PKHD1: variants seen among roughly 807,000 people sequenced by gnomAD.
PKHD1 encodes the protein fibrocystin.
PKHD1 carries 291 observed loss-of-function variants against 412.0 expected under a neutral mutation model. The ratio of observed to expected loss-of-function variants is 0.71; its 90% confidence interval spans 0.64 to 0.78. The LOEUF is 0.78. Among genes scored for constraint, PKHD1 ranks in the 30% least tolerant of loss-of-function variants. The pLI is 0.00. For synonymous variants in PKHD1, 1,777 were observed against 1,821.5 expected, an observed-to-expected ratio of 0.98 and a Z score of 0.62; for missense variants, 4,825 against 4,950.7, an observed-to-expected ratio of 0.97 and a Z score of 0.76.
chr6:51,794,139 C>T (rs1459737853), intron 52 of PKHD1, among the ~76,000 whole-genome samples: 2 of 150,786 alleles, frequency 1.3e-5, no homozygotes, highest in Non-Finnish European at 2.9e-5. Context: ...CGGGTTCACA[C>T]CATTCTTCTG....
chr6:52,082,279 T>A, intron 4 of PKHD1, 113 bp downstream of exon 4: 8 of 1,061,146 alleles, frequency 7.5e-6, no homozygotes. Context: ...TTTTAACAAC[T>A]ATGGCTGGCA....
chr6:51,986,503 T>C (rs1232516011), intron 35 of PKHD1, among the ~76,000 whole-genome samples: 1 of 152,214 alleles, frequency 6.6e-6, no homozygotes, highest in Non-Finnish European at 1.5e-5. Flanking sequence ...AATACAGTCA[T>C]GGGCCATTTA....
At chr6:51,684,646 C>T (rs1260613732) in intron 60 of PKHD1, among the ~76,000 whole-genome samples, 1 of 152,080 alleles carries the variant, frequency 6.6e-6, no homozygotes, top group East Asian at 1.9e-4. Context: ...GCTAGATATT[C>T]CCCCACTTGA....
rs1005908067 is a variant in PKHD1 at position 51,648,019 on chromosome 6, T to C, written c.11398+12A>G. On this transcript the variant is annotated intron_variant, in intron 63 of 66. Coordinates refer to ENST00000371117, the MANE Select transcript of PKHD1 (RefSeq NM_138694.4). ...GTAACAGATATCTGAAATTTACAGA[T>C]ACTTTACCTACCTTTTAGCACTGAG... The C allele has an allele frequency of 2.7e-6, 4 of 1,478,740 alleles. No individual in the cohort carries two copies. The African/African-American group carries it at 4.2e-5, about 15-fold the overall frequency. 91.6% of individuals were successfully genotyped at this position (1,478,740 alleles called of 1,614,324 possible).
chr6:51,669,709 CT>C, intron 60 of PKHD1, among the ~76,000 whole-genome samples: 1 of 136,550 alleles, frequency 7.3e-6, no homozygotes, highest in Non-Finnish European at 1.5e-5. Flanking sequence ...CCTCTACACA[CT>C]GCTTTGAATG....
At chr6:51,885,830 AAACAACAACAATAAC>A in intron 45 of PKHD1, 22 bp downstream of exon 45, 2 of 1,332,210 alleles carry the variant, frequency 1.5e-6, no homozygotes, top group African/African-American at 1.4e-5. Flanking sequence ...TTAATTTTAA[AAACAACAACAATAAC>A]AACAACAACA....
intron 61 of PKHD1, among the ~76,000 whole-genome samples, chr6:51,653,554 G>A (rs1367528243): frequency 2.6e-5 from 4 of 152,066 alleles, no homozygotes; most frequent in Non-Finnish European, 4.4e-5. Context: ...CAAGCAGTGT[G>A]CTTACTTCTA....
At chr6:51,683,984 G>C (rs962504605) in intron 60 of PKHD1, among the ~76,000 whole-genome samples, 1 of 152,014 alleles carries the variant, frequency 6.6e-6, no homozygotes, top group Non-Finnish European at 1.5e-5. Context: ...CTTTGCATAT[G>C]TCCTTCTGCT....
chr6:52,065,709 C>A (rs1809597152), intron 12 of PKHD1, among the ~76,000 whole-genome samples: 1 of 152,128 alleles, frequency 6.6e-6, no homozygotes, highest in Non-Finnish European at 1.5e-5. Context: ...AGCTGTATTT[C>A]TTTCTTTCTC....
rs9349606 is a variant in PKHD1, at chr6:51,896,627, G to T, written c.6996+6970C>A. ...AGCACCTCTCCTCCTCCAAAGGAAC[G>T]CAGTTCCTCACCAGCAACGGAACAA... On this transcript the variant is annotated intron_variant, in intron 43 of 66. Transcript: ENST00000371117. 4.2e-3 allele frequency among the ~76,000 whole-genome samples: 642 copies of T among 152,248 alleles called. 32 individuals carry two copies. The East Asian group carries it at 0.11, about 26-fold the overall frequency.
At chr6:52,045,831 C>A (rs1251643841) in intron 24 of PKHD1, among the ~76,000 whole-genome samples, 173 bp downstream of exon 24, 1 of 152,114 alleles carries the variant, frequency 6.6e-6, no homozygotes, top group Non-Finnish European at 1.5e-5. Context: ...ATATGATATA[C>A]AAAATATGTG....
At chr6:52,068,483 G>T (rs1358481014) in intron 11 of PKHD1, among the ~76,000 whole-genome samples, 1 of 152,154 alleles carries the variant, frequency 6.6e-6, no homozygotes. Context: ...CCATATATTG[G>T]CTATGGACAT....
chr6:51,915,990 A>AGC (rs1241433372), intron 37 of PKHD1, among the ~76,000 whole-genome samples: 1 of 152,126 alleles, frequency 6.6e-6, no homozygotes. Flanking sequence ...GGCTCAGGGA[A>AGC]GCCTGGGGAG....
intron 35 of PKHD1, among the ~76,000 whole-genome samples, chr6:51,967,352 G>A (rs12209407): frequency 0.046 from 6,931 of 152,006 alleles, 186 homozygotes; most frequent in Non-Finnish European, 0.072. Context: ...TGGGGACCCC[G>A]GTAAATTCTG....
At chr6:51,853,652 T>C (rs1772735406) in intron 49 of PKHD1, among the ~76,000 whole-genome samples, 2 of 152,042 alleles carry the variant, frequency 1.3e-5, no homozygotes, top group South Asian at 4.1e-4. Flanking sequence ...GTGCATGTCT[T>C]ATTTCAGTGA....
chr6:51,836,260 C>A, intron 51 of PKHD1, 144 bp downstream of exon 51: 1 of 694,506 alleles, frequency 1.4e-6, no homozygotes, highest in South Asian at 1.6e-5. Flanking sequence ...AGTTACAGGG[C>A]AACACAATAG....
chr6:52,028,423 ACTGT>A (rs1802553426), intron 29 of PKHD1, 72 bp from the exon 30 acceptor site: 1 of 1,427,726 alleles, frequency 7.0e-7, no homozygotes. Context: ...CAATTCTAAA[ACTGT>A]CTTTTTGGAT....
chr6:51,862,520 C>A (rs555185831), intron 48 of PKHD1, among the ~76,000 whole-genome samples: 34 of 152,200 alleles, frequency 2.2e-4, no homozygotes, highest in African/African-American at 7.9e-4. Context: ...CTATTTATCC[C>A]TAGGAAGGAA....
In PKHD1 at chr6:51,632,569, G is replaced by A. The variant is rs772354158; in HGVS notation, c.11661C>T (p.Ser3887=). The change falls in exon 65 of 67, where the codon AGC becomes AGT. Residue 3887 remains serine (S), a synonymous_variant. Transcript: ENST00000371117. ...AATAAAAAAAAAACTACATACTTCT[G>A]CTTTTGCTTCTTTTAAGCCAACAGC... ...LVCCWLKRSK[S]RKTKPEEIPE... 6.2e-7 allele frequency: 1 copy of A among 1,611,686 alleles called. No homozygotes were observed. Among genetic ancestry groups the A allele is most frequent in the African/African-American group, 1.3e-5 (1 of 74,748 alleles).
Sources: gnomAD v4.1 joint callset for allele counts (sites outside exome capture counted in the v4.1 genomes callset) on GRCh38, gnomAD v4.1.1 for gene constraint, MANE v1.5 for transcripts, NCBI Gene and HGNC (gene_info 2026-07-23, HGNC 2026-07-21) for gene names.